Variants in SKAP1 observed in about 807,000 individuals in gnomAD.
SKAP1 encodes the protein src kinase-associated phosphoprotein 1.
A neutral mutation model predicts 58.5 loss-of-function variants in SKAP1; 44 were observed. That is an observed-to-expected ratio of 0.75 (90% CI 0.59 to 0.97). The LOEUF is 0.97. Ranked by LOEUF, SKAP1 falls within the 50% of genes least tolerant of loss-of-function variation. The pLI, the probability that SKAP1 is intolerant of heterozygous loss-of-function variation, is 0.00. For synonymous variants in SKAP1, 127 were observed against 149.7 expected (o/e 0.85, Z 1.11); for missense variants, 390 against 435.2 (o/e 0.90, Z 0.92).
chr17:48,244,426 C>T (rs1295498272), intron 4 of SKAP1, among the ~76,000 whole-genome samples: 1 of 152,152 alleles, frequency 6.6e-6, no homozygotes, highest in Non-Finnish European at 1.5e-5. Flanking sequence ...CCTATTGAAA[C>T]GCCAGCAGAT....
chr17:48,185,070 C>A, intron 6 of SKAP1: 1 of 487,438 alleles, frequency 2.1e-6, no homozygotes, highest in Non-Finnish European at 3.6e-6. Context: ...GGTTATTTTG[C>A]CAAAAGAGTA....
At chr17:48,358,807 A>G (rs1040305026) in intron 3 of SKAP1, among the ~76,000 whole-genome samples, 1 of 152,134 alleles carries the variant, frequency 6.6e-6, no homozygotes, top group African/African-American at 2.4e-5. Context: ...ACTCATTACA[A>G]CTCATAGTAA....
At chr17:48,206,594 G>C (rs2064813721) in intron 4 of SKAP1, among the ~76,000 whole-genome samples, 1 of 151,994 alleles carries the variant, frequency 6.6e-6, no homozygotes, top group Non-Finnish European at 1.5e-5. Context: ...GAAGAATGGG[G>C]AATTGATGGC....
intron 2 of SKAP1, among the ~76,000 whole-genome samples, chr17:48,384,177 A>T (rs2067249759): frequency 6.6e-6 from 1 of 152,212 alleles, no homozygotes; most frequent in Non-Finnish European, 1.5e-5. Flanking sequence ...TTAGCTAGTG[A>T]CAAAGGGAAG....
At chr17:48,410,046 A>G (rs1243217182) in intron 1 of SKAP1, among the ~76,000 whole-genome samples, 2 of 152,242 alleles carry the variant, frequency 1.3e-5, no homozygotes, top group African/African-American at 4.8e-5. Flanking sequence ...TACAGGCAAA[A>G]GGAACTGAAC....
intron 4 of SKAP1, among the ~76,000 whole-genome samples, chr17:48,250,272 G>GTTTTTTTTTT (rs755523173): frequency 1.4e-5 from 1 of 74,052 alleles, no homozygotes; most frequent in African/African-American, 5.4e-5. Flanking sequence ...GCCATAGACA[G>GTTTTTTTTTT]TTTTTTTTTT....
At chr17:48,140,729 C>G (rs1312765933) in intron 11 of SKAP1, among the ~76,000 whole-genome samples, 1 of 151,826 alleles carries the variant, frequency 6.6e-6, no homozygotes, top group Non-Finnish European at 1.5e-5. Context: ...TCTCAGGAGT[C>G]ATTCCCAATT....
At chr17:48,314,944 G>T (rs1441991668) in intron 4 of SKAP1, among the ~76,000 whole-genome samples, 1 of 152,104 alleles carries the variant, frequency 6.6e-6, no homozygotes, top group East Asian at 1.9e-4. Context: ...TCTAATTCCT[G>T]TTGGCTATCA....
At chr17:48,301,858 T>G (rs2066061618) in intron 4 of SKAP1, among the ~76,000 whole-genome samples, 1 of 152,208 alleles carries the variant, frequency 6.6e-6, no homozygotes, top group Non-Finnish European at 1.5e-5. Flanking sequence ...TGCAGTAGTC[T>G]CAGTGCTACA....
chr17:48,137,007 G>A (rs1036722803), intron 12 of SKAP1: 11 of 409,180 alleles, frequency 2.7e-5, no homozygotes, highest in South Asian at 6.8e-5. Flanking sequence ...TAGATTTTAT[G>A]TTGCTATTAG....
At chr17:48,154,520 G>A (rs1344644881) in intron 11 of SKAP1, among the ~76,000 whole-genome samples, 1 of 152,078 alleles carries the variant, frequency 6.6e-6, no homozygotes, top group Non-Finnish European at 1.5e-5. Context: ...TGGAAATAAG[G>A]CACTGGACAA....
At chr17:48,393,216 T>C (rs891828050) in intron 2 of SKAP1, among the ~76,000 whole-genome samples, 4 of 152,224 alleles carry the variant, frequency 2.6e-5, no homozygotes, top group African/African-American at 9.6e-5. Flanking sequence ...AATACCACAA[T>C]AGGGCTTCAT....
intron 10 of SKAP1, among the ~76,000 whole-genome samples, chr17:48,163,105 C>A (rs2064091743): frequency 6.6e-6 from 1 of 152,132 alleles, no homozygotes. Flanking sequence ...ATGAGGTAAT[C>A]ACCAATAAAT....
At chr17:48,286,661 A>T (rs563811227) in intron 4 of SKAP1, among the ~76,000 whole-genome samples, 1 of 152,344 alleles carries the variant, frequency 6.6e-6, no homozygotes, top group Admixed American at 6.5e-5. Flanking sequence ...CAACAGGCAA[A>T]TTAACATCTA....
At chr17:48,397,478 G>A (rs2067436423) in intron 1 of SKAP1, among the ~76,000 whole-genome samples, 2 of 152,100 alleles carry the variant, frequency 1.3e-5, no homozygotes, top group Non-Finnish European at 2.9e-5. Flanking sequence ...AGCCTGCCTC[G>A]GCCTCCCCAA....
At chr17:48,268,119 A>C (rs1351504264) in intron 4 of SKAP1, among the ~76,000 whole-genome samples, 1 of 152,150 alleles carries the variant, frequency 6.6e-6, no homozygotes, top group East Asian at 1.9e-4. Flanking sequence ...AAAAGAAAGA[A>C]AACTTGAAGA....
intron 4 of SKAP1, among the ~76,000 whole-genome samples, chr17:48,201,958 G>C (rs1224365383): frequency 1.3e-5 from 2 of 152,144 alleles, no homozygotes; most frequent in Admixed American, 1.3e-4. Context: ...CTGGAGAAAT[G>C]GCATTTTCCT....
chr17:48,164,969 A>G (rs1480852436), intron 10 of SKAP1, among the ~76,000 whole-genome samples: 1 of 152,264 alleles, frequency 6.6e-6, no homozygotes, highest in Non-Finnish European at 1.5e-5. Flanking sequence ...ACATGTATAC[A>G]GTACCTACTA....
At chr17:48,322,519 C>A (rs2066381080) in intron 4 of SKAP1, among the ~76,000 whole-genome samples, 1 of 152,138 alleles carries the variant, frequency 6.6e-6, no homozygotes, top group African/African-American at 2.4e-5. Context: ...TGATTGTTGC[C>A]ATGGGTAAGA....
Sources: gnomAD v4.1 joint callset for allele counts (sites outside exome capture counted in the v4.1 genomes callset) on GRCh38, gnomAD v4.1.1 for gene constraint, MANE v1.5 for transcripts, NCBI Gene and HGNC (gene_info 2026-07-23, HGNC 2026-07-21) for gene names.